TRIM61: variants seen among roughly 807,000 people sequenced by gnomAD.
TRIM61 encodes putative tripartite motif-containing protein 61.
Under a neutral mutation model 14.2 loss-of-function variants are expected in TRIM61, and 1 was observed. The ratio of observed to expected loss-of-function variants is 0.07; its 90% confidence interval spans 0.03 to 0.33. TRIM61 has a LOEUF of 0.33. TRIM61 is among the 10% of genes least tolerant of loss of function. The probability of loss-of-function intolerance (pLI) is 0.99; values close to 1 mark genes in which losing one functional copy is unlikely to be tolerated. For synonymous variants in TRIM61, 8 were observed against 71.6 expected (o/e 0.11, Z 4.49); for missense variants, 19 against 202.2 (o/e 0.09, Z 5.49).
intron 3 of TRIM61, chr4:164,968,468 T>A: frequency 1.0e-6 from 1 of 981,410 alleles, no homozygotes; most frequent in Non-Finnish European, 1.2e-6. Flanking sequence ...TTGCTGAAAC[T>A]GAGATAAAAA....
intron 3 of TRIM61, chr4:164,968,402 G>T: frequency 1.0e-6 from 1 of 983,786 alleles, no homozygotes; most frequent in African/African-American, 1.7e-5. Flanking sequence ...AAAGTACCTT[G>T]TCACTGACCC....
At chr4:164,975,541 ATG>A (rs1732463304) in intron 2 of TRIM61, among the ~76,000 whole-genome samples, 2 of 152,312 alleles carry the variant, frequency 1.3e-5, no homozygotes, top group African/African-American at 4.8e-5. Flanking sequence ...TCACAAAAAC[ATG>A]TGTTGTATAA....
intron 2 of TRIM61, among the ~76,000 whole-genome samples, chr4:164,976,278 A>T (rs1329781208): frequency 3.3e-5 from 5 of 152,148 alleles, no homozygotes; most frequent in Non-Finnish European, 5.9e-5. Context: ...CCCTGGGCCC[A>T]CTGTTGTTTC....
chr4:164,958,477 A>G (rs535011835), intron 3 of TRIM61: 13 of 167,138 alleles, frequency 7.8e-5, no homozygotes, highest in African/African-American at 2.6e-4. Flanking sequence ...ATTATGAAGG[A>G]TGAATTATTT....
At chr4:164,956,914 A>G in intron 3 of TRIM61, 1 of 1,090,690 alleles carries the variant, frequency 9.2e-7, no homozygotes. Flanking sequence ...GGAGCGGCAG[A>G]GCAGTGATTG....
chr4:164,960,107 A>G (rs59095513), intron 3 of TRIM61, among the ~76,000 whole-genome samples: 5,272 of 152,258 alleles, frequency 0.035, 305 homozygotes, highest in African/African-American at 0.12. Flanking sequence ...TGATGCATCT[A>G]CTAGCCAAGG....
chr4:164,960,229 T>C (rs1732102058), intron 3 of TRIM61, among the ~76,000 whole-genome samples: 1 of 152,014 alleles, frequency 6.6e-6, no homozygotes, highest in Non-Finnish European at 1.5e-5. Flanking sequence ...GGACCCAGCC[T>C]CCAGAACTGT....
At chr4:164,959,296 T>C (rs1394267197) in intron 3 of TRIM61, among the ~76,000 whole-genome samples, 1 of 152,212 alleles carries the variant, frequency 6.6e-6, no homozygotes, top group Non-Finnish European at 1.5e-5. Flanking sequence ...GATGCACAGC[T>C]GTCCTCTGAG....
At chr4:164,966,099 G>C (rs1560885379) in intron 3 of TRIM61, among the ~76,000 whole-genome samples, 1 of 152,166 alleles carries the variant, frequency 6.6e-6, no homozygotes. Context: ...CTCCTTGAGA[G>C]TATTCTGCAA....
intron 2 of TRIM61, among the ~76,000 whole-genome samples, chr4:164,974,348 T>G (rs761671510): frequency 6.6e-6 from 1 of 152,184 alleles, no homozygotes; most frequent in African/African-American, 2.4e-5. Context: ...TTAAAATACA[T>G]CCTTTATTTT....
intron 3 of TRIM61, among the ~76,000 whole-genome samples, chr4:164,962,726 ATAT>A (rs1732164443): frequency 6.7e-6 from 1 of 149,212 alleles, no homozygotes; most frequent in Non-Finnish European, 1.5e-5. Flanking sequence ...GGCCAAAGGA[ATAT>A]TATATATGTC....
At chr4:164,972,288 CTCT>C (rs796714997) in intron 2 of TRIM61, among the ~76,000 whole-genome samples, 388 of 152,296 alleles carry the variant, frequency 2.5e-3, no homozygotes, top group African/African-American at 8.5e-3. Flanking sequence ...GTATAACAAC[CTCT>C]TTTTCTTATA....
intron 3 of TRIM61, among the ~76,000 whole-genome samples, chr4:164,963,297 T>C (rs1420005593): frequency 6.6e-6 from 1 of 152,142 alleles, no homozygotes; most frequent in African/African-American, 2.4e-5. Flanking sequence ...GGCCAGGAGT[T>C]TGAGACCAAC....
In TRIM61 at chr4:164,954,975, C is replaced by A; in HGVS notation, c.*16+1G>T. 3.2e-6 allele frequency: 1 copy of A among 315,242 alleles called. No homozygotes were observed. Among genetic ancestry groups the A allele is most frequent in the South Asian group, 2.4e-5 (1 of 42,098 alleles). 19.5% of individuals were successfully genotyped at this position (315,242 alleles called of 1,614,324 possible). A position where few individuals can be genotyped will look rare whatever the true frequency, so the allele number is the denominator to read the frequency against. The stretch of plus-strand genomic sequence containing the variant: ...AGTTAGCTGGGCATGGTGGAGGGCA[C>A]CTGTAGTCCCAGCTACTCAGGAGCC... On this transcript the variant is annotated splice_donor_variant, in intron 4 of 4. Coordinates refer to ENST00000329314, the MANE Select transcript of TRIM61 (RefSeq NM_001012414.3). LOFTEE classifies it low-confidence loss of function (3UTR_SPLICE).
intron 3 of TRIM61, chr4:164,956,876 G>T: frequency 2.6e-6 from 2 of 777,268 alleles, no homozygotes; most frequent in Middle Eastern, 7.7e-4. Flanking sequence ...TTTCTCCCAG[G>T]AGGCTGGGCG....
intron 3 of TRIM61, among the ~76,000 whole-genome samples, chr4:164,955,568 CAA>C (rs10716862): frequency 0.094 from 7,251 of 76,970 alleles, 127 homozygotes; most frequent in African/African-American, 0.15. Context: ...GATTCAGTCT[CAA>C]AAAAAAAAAA....
chr4:164,972,920 G>T (rs1021965318), intron 2 of TRIM61, among the ~76,000 whole-genome samples: 1 of 152,056 alleles, frequency 6.6e-6, no homozygotes, highest in Non-Finnish European at 1.5e-5. Flanking sequence ...TTCACCCTTA[G>T]CTCGCCATTC....
intron 3 of TRIM61, among the ~76,000 whole-genome samples, chr4:164,962,149 T>C (rs1456925549): frequency 6.6e-6 from 1 of 151,310 alleles, no homozygotes; most frequent in Non-Finnish European, 1.5e-5. Context: ...AGAAGGAGGA[T>C]AAGGAAGGAG....
At chr4:164,968,340 T>A in intron 3 of TRIM61, 1 of 965,438 alleles carries the variant, frequency 1.0e-6, no homozygotes, top group Non-Finnish European at 1.2e-6. Flanking sequence ...TTTTCTTACA[T>A]AATACATTTC....
Sources: gnomAD v4.1 joint callset for allele counts (sites outside exome capture counted in the v4.1 genomes callset) on GRCh38, gnomAD v4.1.1 for gene constraint, MANE v1.5 for transcripts, NCBI Gene and HGNC (gene_info 2026-07-23, HGNC 2026-07-21) for gene names.